KIF6: variants seen among roughly 807,000 people sequenced by gnomAD.
The protein encoded by KIF6 is kinesin family member 6.
A neutral mutation model predicts 112.7 loss-of-function variants in KIF6; 106 were observed. That is an observed-to-expected ratio of 0.94 (90% confidence interval 0.80 to 1.11). The LOEUF (loss-of-function observed/expected upper bound fraction) is 1.11, where lower values mean the gene tolerates loss of function less well. Among genes scored for constraint, KIF6 ranks in the 50% least tolerant of loss-of-function variants. KIF6 has a pLI of 0.00. For missense variants in KIF6, 929 were observed against 964.0 expected (o/e 0.96, Z 0.48); for synonymous variants, 339 against 339.9 (o/e 1.00, Z 0.03).
chr6:39,498,095 C>T (rs1005288439), intron 13 of KIF6, among the ~76,000 whole-genome samples: 6 of 152,086 alleles, frequency 3.9e-5, no homozygotes, highest in African/African-American at 1.4e-4. Context: ...CTGCATGCAG[C>T]TTGGGATTTG....
chr6:39,387,223 A>G (rs1336442818), intron 15 of KIF6, among the ~76,000 whole-genome samples: 1 of 152,198 alleles, frequency 6.6e-6, no homozygotes, highest in African/African-American at 2.4e-5. Flanking sequence ...CTGCTTCCCT[A>G]TAATCTTCAG....
intron 1 of KIF6, among the ~76,000 whole-genome samples, chr6:39,723,698 A>G (rs1790360609): frequency 6.6e-6 from 1 of 152,148 alleles, no homozygotes; most frequent in East Asian, 1.9e-4. Context: ...GAACAATGAG[A>G]ACGCATGCAC....
At chr6:39,509,281 A>G (rs991236386) in intron 13 of KIF6, among the ~76,000 whole-genome samples, 3 of 152,212 alleles carry the variant, frequency 2.0e-5, no homozygotes, top group African/African-American at 7.2e-5. Context: ...GAGAAACCAG[A>G]GCAGAAAGGC....
intron 21 of KIF6, among the ~76,000 whole-genome samples, chr6:39,345,461 T>C (rs1298943225): frequency 6.6e-6 from 1 of 152,170 alleles, no homozygotes; most frequent in African/African-American, 2.4e-5. Context: ...CACAAGAAGA[T>C]ATGAAACAAC....
chr6:39,374,415 A>C (rs1484766556), intron 16 of KIF6, among the ~76,000 whole-genome samples: 1 of 152,242 alleles, frequency 6.6e-6, no homozygotes, highest in African/African-American at 2.4e-5. Context: ...ACAGCAAAGG[A>C]AACAATCAAC....
At chr6:39,591,223 T>C (rs1431942113) in intron 7 of KIF6, among the ~76,000 whole-genome samples, 4 of 152,170 alleles carry the variant, frequency 2.6e-5, no homozygotes. Flanking sequence ...GCCGAGCTTC[T>C]CATTGTTATG....
At chr6:39,713,252 G>A (rs934173586) in intron 3 of KIF6, among the ~76,000 whole-genome samples, 10 of 152,322 alleles carry the variant, frequency 6.6e-5, no homozygotes, top group African/African-American at 2.2e-4. Context: ...ATTTGGAGGA[G>A]GATGGAGTGA....
intron 22 of KIF6, among the ~76,000 whole-genome samples, chr6:39,337,162 T>C (rs1162415123): frequency 0.052 from 3,669 of 70,052 alleles, 315 homozygotes; most frequent in East Asian, 0.09. Context: ...TTCTTTTCTT[T>C]CTTTCCTTCC....
chr6:39,725,265 C>G lies in KIF6; in HGVS notation c.46G>C (p.Val16Leu), dbSNP rs909413439. The G allele has an allele frequency of 1.2e-6, 2 of 1,610,186 alleles. No homozygotes were observed. Among genetic ancestry groups the G allele is most frequent in the African/African-American group, 2.7e-5 (2 of 74,214 alleles). The change falls in exon 1 of 23, where the codon GTC becomes CTC. Residue 16 changes from valine to leucine, a missense_variant. By Grantham distance (32) the Val-to-Leu change is conservative. Around this residue, in one of 2 missense-constraint regions of KIF6, gnomAD observed 688 missense variants for 662.7 expected, o/e 1.04. Transcript: ENST00000287152. ...CGTACCCCTTGTTGGTGCTTCCGGA[C>G]AGGGGGCTTCACCCTCGCGAATATC... is the stretch of plus-strand genomic sequence containing the variant. ...IQIFARVKPP[V>L]RKHQQGIYSI...
intron 13 of KIF6, among the ~76,000 whole-genome samples, chr6:39,441,877 G>A (rs997077997): frequency 1.3e-5 from 2 of 152,218 alleles, no homozygotes; most frequent in African/African-American, 4.8e-5. Flanking sequence ...CCACATGAAA[G>A]ATGTCAAAGG....
chr6:39,536,180 A>G (rs1339549686), intron 13 of KIF6, among the ~76,000 whole-genome samples: 2 of 151,766 alleles, frequency 1.3e-5, no homozygotes, highest in African/African-American at 4.8e-5. Context: ...AAACACATTC[A>G]AAAGCTAGCA....
At chr6:39,586,092 T>G (rs541684075) in intron 8 of KIF6, among the ~76,000 whole-genome samples, 169 bp downstream of exon 8, 5 of 152,294 alleles carry the variant, frequency 3.3e-5, no homozygotes, top group Admixed American at 2.0e-4. Context: ...GACCCACAAA[T>G]AGCCCACAGC....
intron 3 of KIF6, among the ~76,000 whole-genome samples, chr6:39,650,832 C>T (rs1325359938): frequency 1.3e-5 from 2 of 151,818 alleles, no homozygotes; most frequent in Non-Finnish European, 2.9e-5. Flanking sequence ...AATACTTTTT[C>T]CTAAAATCCT....
intron 15 of KIF6, among the ~76,000 whole-genome samples, chr6:39,400,321 A>G (rs1768596751): frequency 6.6e-6 from 1 of 152,242 alleles, no homozygotes; most frequent in African/African-American, 2.4e-5. Flanking sequence ...TCTTTCAGAC[A>G]CAGGCTGGAT....
At chr6:39,354,879 G>T (rs1162209972) in intron 19 of KIF6, among the ~76,000 whole-genome samples, 1 of 152,148 alleles carries the variant, frequency 6.6e-6, no homozygotes, top group Non-Finnish European at 1.5e-5. Context: ...GCCTGCCCAT[G>T]CCCATTTAAA....
At chr6:39,622,695 C>T (rs145184037) in intron 5 of KIF6, among the ~76,000 whole-genome samples, 482 of 152,318 alleles carry the variant, frequency 3.2e-3, no homozygotes, top group African/African-American at 0.011. Flanking sequence ...CTGCCCATAT[C>T]ACAAAATTCT....
chr6:39,556,442 G>C (rs1323105851), intron 10 of KIF6, among the ~76,000 whole-genome samples: 2 of 152,116 alleles, frequency 1.3e-5, no homozygotes, highest in Admixed American at 1.3e-4. Context: ...CATGACGAAG[G>C]CTGAATGAGC....
chr6:39,595,282 A>G (rs1277764545), intron 7 of KIF6, among the ~76,000 whole-genome samples: 3 of 152,228 alleles, frequency 2.0e-5, no homozygotes, highest in Non-Finnish European at 4.4e-5. Context: ...TAAATTTTAC[A>G]ATAAAGCAGT....
At chr6:39,488,165 G>C (rs1775246057) in intron 13 of KIF6, among the ~76,000 whole-genome samples, 2 of 152,042 alleles carry the variant, frequency 1.3e-5, no homozygotes, top group East Asian at 1.9e-4. Context: ...CCAATGAGTC[G>C]ACACTTAGTT....
Sources: gnomAD v4.1 joint callset for allele counts (sites outside exome capture counted in the v4.1 genomes callset) on GRCh38, gnomAD v4.1.1 for gene constraint, gnomAD v4.1.1 regional missense constraint, MANE v1.5 for transcripts, NCBI Gene and HGNC (gene_info 2026-07-23, HGNC 2026-07-21) for gene names.